The following JAK1 variants were observed in gnomAD, a reference collection of about 807,000 sequenced individuals.
JAK1 encodes the protein tyrosine-protein kinase JAK1.
A neutral mutation model predicts 136.6 loss-of-function variants in JAK1; 16 were observed. The observed-to-expected ratio is 0.12, with a 90% CI of 0.08 to 0.18. JAK1 has a LOEUF of 0.18. JAK1 is among the 10% of genes least tolerant of loss of function. JAK1 has a pLI of 1.00. For missense variants in JAK1, 859 were observed against 1,450.1 expected, an observed-to-expected ratio of 0.59 and a Z score of 6.62; for synonymous variants, 492 against 519.5, an observed-to-expected ratio of 0.95 and a Z score of 0.72.
At chr1:64,911,308 T>C (rs979527818) in intron 1 of JAK1, among the ~76,000 whole-genome samples, 1 of 152,166 alleles carries the variant, frequency 6.6e-6, no homozygotes, top group Non-Finnish European at 1.5e-5. Flanking sequence ...TCAGCCAAAC[T>C]GGGATACCTG....
At chr1:64,897,266 C>A (rs540600427) in intron 1 of JAK1, among the ~76,000 whole-genome samples, 1 of 151,196 alleles carries the variant, frequency 6.6e-6, no homozygotes, top group African/African-American at 2.4e-5. Context: ...CCTGTCCCTA[C>A]TAAAAATACA....
intron 2 of JAK1, among the ~76,000 whole-genome samples, chr1:65,020,362 A>G (rs957735214): frequency 1.3e-5 from 2 of 151,858 alleles, no homozygotes; most frequent in Admixed American, 6.6e-5. Context: ...CCACATTATC[A>G]CCAAAAGACT....
At chr1:65,061,655 A>G (rs1002826381) in intron 1 of JAK1, among the ~76,000 whole-genome samples, 1 of 152,186 alleles carries the variant, frequency 6.6e-6, no homozygotes, top group South Asian at 2.1e-4. Flanking sequence ...CAGTGATACT[A>G]TATAAAATGG....
At chr1:64,869,501 G>T (rs376784226) in intron 5 of JAK1, 27 bp from the exon 6 acceptor site, 3 of 1,603,480 alleles carry the variant, frequency 1.9e-6, no homozygotes, top group Non-Finnish European at 2.6e-6. Context: ...GAAACCATGA[G>T]AGCCCACCCG....
chr1:65,040,705 C>T (rs181364619), intron 2 of JAK1, among the ~76,000 whole-genome samples: 1 of 152,254 alleles, frequency 6.6e-6, no homozygotes, highest in African/African-American at 2.4e-5. Context: ...ACTCACCTAC[C>T]CATAGTGGCG....
rs561036458 is a variant in JAK1, at chr1:65,038,189, T to C, written c.-78+6291A>G. On this transcript the variant is annotated intron_variant, in intron 2 of 25. Transcript: ENST00000671954. Reference sequence around the variant, plus strand: ...TTGCCATTTTGAAATTCTTTTTCTTTTTTCTTTTCTTTTTTTTTTTTTTTT... The same window carrying C: ...TTGCCATTTTGAAATTCTTTTTCTTCTTTCTTTTCTTTTTTTTTTTTTTTT... Among the ~76,000 whole-genome samples the C allele has an allele frequency of 2.0e-5, 3 of 149,738 alleles. No individual in the cohort carries two copies. The East Asian group carries it at 6.2e-4, about 31-fold the overall frequency.
intron 8 of JAK1, among the ~76,000 whole-genome samples, chr1:64,863,724 T>C (rs1656514646): frequency 1.3e-5 from 2 of 152,354 alleles, no homozygotes; most frequent in Admixed American, 6.5e-5. Context: ...CTGACCTTTT[T>C]TCCAGGTCAT....
intron 1 of JAK1, among the ~76,000 whole-genome samples, chr1:65,060,171 G>A (rs1221035839): frequency 6.6e-6 from 1 of 151,910 alleles, no homozygotes; most frequent in Non-Finnish European, 1.5e-5. Context: ...CATAACCTAA[G>A]GTTCTTGGAA....
At chr1:65,010,746 C>T (rs568169517) in intron 2 of JAK1, among the ~76,000 whole-genome samples, 3 of 152,084 alleles carry the variant, frequency 2.0e-5, no homozygotes, top group Non-Finnish European at 2.9e-5. Context: ...TCTGGGAGGC[C>T]AAAGCTTGAG....
At chr1:64,866,426 T>C (rs2101111428) in intron 7 of JAK1, among the ~76,000 whole-genome samples, 1 of 152,372 alleles carries the variant, frequency 6.6e-6, no homozygotes, top group Non-Finnish European at 1.5e-5. Flanking sequence ...CTAAGTTCAA[T>C]TCTTGGCACA....
intron 2 of JAK1, chr1:64,993,629 T>C: frequency 6.6e-6 from 1 of 152,072 alleles, no homozygotes; most frequent in East Asian, 1.9e-4. Context: ...TTTATTTTTA[T>C]TTTTATTTTT....
intron 1 of JAK1, among the ~76,000 whole-genome samples, chr1:64,907,524 C>T (rs372678916): frequency 6.6e-6 from 1 of 152,088 alleles, no homozygotes; most frequent in Non-Finnish European, 1.5e-5. Context: ...ACATCACACA[C>T]TGGGGCCAAT....
At chr1:64,905,883 C>T (rs1027189900) in intron 1 of JAK1, among the ~76,000 whole-genome samples, 3 of 152,192 alleles carry the variant, frequency 2.0e-5, no homozygotes, top group Non-Finnish European at 4.4e-5. Context: ...GGAGCTCCCC[C>T]ACTTCTCAGT....
intron 1 of JAK1, among the ~76,000 whole-genome samples, chr1:65,066,225 G>A (rs1648034425): frequency 1.3e-5 from 2 of 152,170 alleles, no homozygotes; most frequent in Admixed American, 1.3e-4. Flanking sequence ...GCACAGGAAG[G>A]CAGGGAGAAG....
chr1:64,932,422 TTAAA>T (rs1394833934), intron 1 of JAK1, among the ~76,000 whole-genome samples: 1 of 151,848 alleles, frequency 6.6e-6, no homozygotes, highest in South Asian at 2.1e-4. Flanking sequence ...AAAAAAATAA[TTAAA>T]TAAATAAATA....
intron 1 of JAK1, among the ~76,000 whole-genome samples, chr1:64,927,804 C>A (rs181778076): frequency 6.6e-6 from 1 of 152,262 alleles, no homozygotes; most frequent in East Asian, 1.9e-4. Context: ...TACAAAGCCC[C>A]TGTATTTGGC....
chr1:64,913,709 G>GAGGA (rs1553168181), intron 1 of JAK1, among the ~76,000 whole-genome samples: 6 of 21,166 alleles, frequency 2.8e-4, no homozygotes, highest in South Asian at 5.7e-3. Context: ...GGAAAGAAGG[G>GAGGA]AGGGAGGGAG....
chr1:64,881,401 C>T (rs1644770659), intron 3 of JAK1, among the ~76,000 whole-genome samples: 1 of 151,950 alleles, frequency 6.6e-6, no homozygotes, highest in Admixed American at 6.6e-5. Context: ...TTCAAGGTTA[C>T]TCATCTAGTA....
intron 2 of JAK1, among the ~76,000 whole-genome samples, chr1:65,016,001 T>C (rs1447116802): frequency 2.6e-5 from 4 of 152,220 alleles, no homozygotes; most frequent in Non-Finnish European, 5.9e-5. Flanking sequence ...CAATGGAATA[T>C]TATTCAGACA....
Sources: allele counts gnomAD v4.1 joint callset (sites outside exome capture counted in the v4.1 genomes callset), GRCh38; gene constraint gnomAD v4.1.1; transcripts MANE v1.5; gene names NCBI Gene and HGNC (gene_info 2026-07-23, HGNC 2026-07-21).